Variants in HTR6 observed in about 807,000 individuals in gnomAD.
The protein encoded by HTR6 is 5-hydroxytryptamine (serotonin) receptor 6, G protein-coupled.
Under a neutral mutation model 17.4 loss-of-function variants are expected in HTR6, and 15 were observed. That is an observed-to-expected ratio of 0.86 (90% CI 0.58 to 1.33). The LOEUF (loss-of-function observed/expected upper bound fraction) is 1.33, where lower values mean the gene tolerates loss of function less well. HTR6 is among the 40% of genes most tolerant of loss of function. HTR6 has a pLI of 0.00. For synonymous variants in HTR6, 326 were observed against 295.5 expected (o/e 1.10, Z -1.06); for missense variants, 578 against 616.0 (o/e 0.94, Z 0.65).
At chr1:19,675,752 C>T (rs969907424) in intron 1 of HTR6, among the ~76,000 whole-genome samples, 1 of 152,072 alleles carries the variant, frequency 6.6e-6, no homozygotes, top group Non-Finnish European at 1.5e-5. Flanking sequence ...CTCTCCATGC[C>T]GTCTATTCCC....
chr1:19,678,443 G>A (rs1376912827), intron 1 of HTR6, 124 bp from the exon 2 acceptor site: 2 of 1,198,676 alleles, frequency 1.7e-6, no homozygotes, highest in African/African-American at 1.5e-5. Context: ...CAAGGAACAG[G>A]GCCCAGTTTA....
intron 1 of HTR6, among the ~76,000 whole-genome samples, chr1:19,676,124 C>A (rs1262773471): frequency 6.6e-6 from 1 of 152,132 alleles, no homozygotes; most frequent in South Asian, 2.1e-4. Context: ...CAAAATCACC[C>A]CAACCTCACA....
At position 19,666,522 on chromosome 1, in the gene HTR6, C is replaced by G. The variant is rs1333254995; in HGVS notation, c.714+55C>G. 1.3e-5 allele frequency: 18 copies of G among 1,346,134 alleles called. No individual in the cohort carries two copies. Among genetic ancestry groups the G allele is most frequent in the Non-Finnish European group, 1.8e-5 (18 of 990,870 alleles). The allele number at this position is 1,346,134 out of a possible 1,614,324, so 83.4% of individuals were successfully genotyped here. Reference sequence around the variant, plus strand: ...TGTGGGATAGAGAGGAATGAGCAGCCCCTGGGGACCCCCTGGGCATCCCCA... The same window carrying G: ...TGTGGGATAGAGAGGAATGAGCAGCGCCTGGGGACCCCCTGGGCATCCCCA... On this transcript the variant is annotated intron_variant, in intron 1 of 2. Transcript: ENST00000289753. This position sits in a 1 kb window ranked among gnomAD's most constrained non-coding sequence, Gnocchi z 4.5.
intron 1 of HTR6, among the ~76,000 whole-genome samples, chr1:19,674,404 CTCT>C (rs1034747677): frequency 2.2e-5 from 3 of 137,266 alleles, no homozygotes; most frequent in Non-Finnish European, 4.7e-5. Context: ...AGCCACTCTT[CTCT>C]TTTTTTTTTT....
intron 1 of HTR6, among the ~76,000 whole-genome samples, chr1:19,677,266 G>C (rs1174691480): frequency 6.6e-6 from 1 of 151,830 alleles, no homozygotes; most frequent in East Asian, 1.9e-4. Context: ...TTTTCAAAAG[G>C]CTCATGAAGT....
intron 1 of HTR6, among the ~76,000 whole-genome samples, chr1:19,678,361 T>A (rs2095096900): frequency 6.6e-6 from 1 of 151,564 alleles, no homozygotes; most frequent in South Asian, 2.1e-4. Context: ...AGGGCTTGGT[T>A]TATTGCTGAT....
intron 1 of HTR6, among the ~76,000 whole-genome samples, chr1:19,672,723 G>C (rs2100472494): frequency 6.6e-6 from 1 of 152,226 alleles, no homozygotes; most frequent in Non-Finnish European, 1.5e-5. Context: ...AAAATACCAG[G>C]CACATAGTAA....
intron 1 of HTR6, among the ~76,000 whole-genome samples, chr1:19,673,957 C>T (rs1048434833): frequency 6.6e-6 from 1 of 150,730 alleles, no homozygotes; most frequent in African/African-American, 2.5e-5. Context: ...GCCTTGACCT[C>T]TTCTGACTCA....
chr1:19,675,385 A>G (rs2095093055), intron 1 of HTR6, among the ~76,000 whole-genome samples: 1 of 152,050 alleles, frequency 6.6e-6, no homozygotes, highest in African/African-American at 2.4e-5. Context: ...TTTTGGTTGG[A>G]GGCCTTGTAC....
intron 1 of HTR6, among the ~76,000 whole-genome samples, chr1:19,668,113 G>A (rs946880899): frequency 6.6e-6 from 1 of 152,210 alleles, no homozygotes; most frequent in Admixed American, 6.5e-5. Flanking sequence ...CCTGGCTGCC[G>A]CCCAGCTCCT....
Position 19,675,985 on chromosome 1 carries a change from CGGA to C in HTR6, c.715-2577_715-2575del, listed in dbSNP as rs747903420. ...AGACTCGTGTATGATGGGGTGGAGT[CGGA>C]GGAGAGCATCCTCTAGTCATAGCAT... On this transcript the variant is annotated intron_variant, in intron 1 of 2. Transcript: ENST00000289753. Among the ~76,000 whole-genome samples, 5 of 151,998 alleles carry C rather than the reference CGGA, an allele frequency of 3.3e-5. No individual in the cohort carries two copies. In the East Asian group the frequency reaches 9.7e-4, roughly 29 times the overall value.
rs994671589 is a variant in HTR6 at position 19,679,998 on chromosome 1, T to C, written c.*630T>C. 2.0e-5 allele frequency among the ~76,000 whole-genome samples: 3 copies of C among 152,182 alleles called. No homozygotes were observed. The highest frequency in any genetic ancestry group is 4.4e-5 in the Non-Finnish European group (3 of 68,034). On this transcript the variant is annotated 3_prime_UTR_variant, in exon 3 of 3. Coordinates refer to ENST00000289753, the MANE Select transcript of HTR6 (RefSeq NM_000871.3). This position sits in a 1 kb window ranked among gnomAD's most constrained non-coding sequence, Gnocchi z 4.9. Reference sequence around the variant, plus strand: ...ACCTGTCAGTCTCCCCTCCCTGGTATATATGTGGCAGCAGCTGCACCTGGG... The same window carrying C: ...ACCTGTCAGTCTCCCCTCCCTGGTACATATGTGGCAGCAGCTGCACCTGGG...
At chr1:19,671,122 G>A (rs1456779451) in intron 1 of HTR6, among the ~76,000 whole-genome samples, 1 of 152,168 alleles carries the variant, frequency 6.6e-6, no homozygotes, top group Non-Finnish European at 1.5e-5. Context: ...GTACCACGAT[G>A]AGGATTATGG....
In HTR6 at chr1:19,679,354, A is replaced by T; in HGVS notation, c.1309A>T (p.Ile437Phe). The change falls in exon 3 of 3, where the codon ATC (isoleucine) becomes TTC (phenylalanine). Residue 437 changes from isoleucine (I) to phenylalanine (F), a missense_variant. Coordinates refer to ENST00000289753, the MANE Select transcript of HTR6 (RefSeq NM_000871.3). The surrounding 1 kb of genome is among the most constrained non-coding windows in gnomAD (Gnocchi z 4.9). ...EPELRPHPLG[I>F]PTN ...CGAGCTGCGGCCGCATCCACTTGGCATCCCCACGAACTGACCCGGGCTTGG... is the reference window on the plus strand; with the variant it reads ...CGAGCTGCGGCCGCATCCACTTGGCTTCCCCACGAACTGACCCGGGCTTGG... The T allele has an allele frequency of 3.1e-6, 5 of 1,593,996 alleles. No homozygotes were observed. The highest frequency in any genetic ancestry group is 4.3e-6 in the Non-Finnish European group (5 of 1,168,970).
In HTR6 at chr1:19,679,542, A is replaced by C. The variant is rs2095099125; in HGVS notation, c.*174A>C. 4 of 890,992 alleles carry C rather than the reference A, an allele frequency of 4.5e-6. No homozygotes were observed. The highest frequency in any genetic ancestry group is 6.6e-6 in the Non-Finnish European group (4 of 608,466). The allele number at this position is 890,992 out of a possible 1,614,324, so 55.2% of individuals were successfully genotyped here. A position where few individuals can be genotyped will look rare whatever the true frequency, so the allele number is the denominator to read the frequency against. On this transcript the variant is annotated 3_prime_UTR_variant, in exon 3 of 3. Transcript: ENST00000289753. The surrounding 1 kb of genome is among the most constrained non-coding windows in gnomAD (Gnocchi z 4.9). The stretch of plus-strand genomic sequence containing the variant: ...TGCCATCTCCAGGCCCCTTACCTGC[A>C]GGGATCATAGCTGACTCAGATATCG...
Position 19,665,877 on chromosome 1 carries a change from G to T in HTR6, c.124G>T (p.Ala42Ser), listed in dbSNP as rs779291764. ...ALCVVIALTA[A>S]ANSLLIALIC... ...GTGCGTGGTCATCGCGCTGACGGCGGCGGCCAACTCGCTGCTGATCGCGCT... is the reference window on the plus strand; with the variant it reads ...GTGCGTGGTCATCGCGCTGACGGCGTCGGCCAACTCGCTGCTGATCGCGCT... Residue 42 changes from alanine to serine, a missense_variant, in exon 1 of 3, where the codon GCG becomes TCG. Physicochemically the swap from Ala to Ser is moderately conservative, Grantham distance 99. Transcript: ENST00000289753. The surrounding 1 kb of genome is among the most constrained non-coding windows in gnomAD (Gnocchi z 4.2). The T allele has an allele frequency of 6.2e-7, 1 of 1,605,996 alleles. No homozygotes were observed. The highest frequency in any genetic ancestry group is 8.5e-7 in the Non-Finnish European group (1 of 1,176,922).
At position 19,665,599 on chromosome 1, in the gene HTR6, G is replaced by T; in HGVS notation, c.-155G>T. 1 of 559,680 alleles carries T rather than the reference G, an allele frequency of 1.8e-6. No individual in the cohort carries two copies. The highest frequency in any genetic ancestry group is 3.1e-6 in the Non-Finnish European group (1 of 322,400). 34.7% of individuals were successfully genotyped at this position (559,680 alleles called of 1,614,324 possible). On this transcript the variant is annotated 5_prime_UTR_variant, in exon 1 of 3. Transcript: ENST00000289753. This position sits in a 1 kb window ranked among gnomAD's most constrained non-coding sequence, Gnocchi z 4.2. ...GCCCCCTGACCTAGCGCGACCCAGCGCCCCCGCCCATGTCCCCCCACTCAC... is the reference window on the plus strand; with the variant it reads ...GCCCCCTGACCTAGCGCGACCCAGCTCCCCCGCCCATGTCCCCCCACTCAC...
At chr1:19,668,003 C>A (rs532745966) in intron 1 of HTR6, among the ~76,000 whole-genome samples, 135 of 152,312 alleles carry the variant, frequency 8.9e-4, no homozygotes, top group Middle Eastern at 3.4e-3. Flanking sequence ...CCTTGGCAGT[C>A]CCCCAGACAA....
chr1:19,673,772 T>C (rs887279727), intron 1 of HTR6, among the ~76,000 whole-genome samples: 6 of 151,582 alleles, frequency 4.0e-5, no homozygotes, highest in Non-Finnish European at 8.8e-5. Flanking sequence ...AATTCAACAA[T>C]AGGGATGAAG....
Sources: allele counts gnomAD v4.1 joint callset (sites outside exome capture counted in the v4.1 genomes callset), GRCh38; gene constraint gnomAD v4.1.1; non-coding constraint Gnocchi (gnomAD v3.1); transcripts MANE v1.5; gene names NCBI Gene and HGNC (gene_info 2026-07-23, HGNC 2026-07-21).